The following SOX5 variants were observed in gnomAD, a reference collection of about 807,000 sequenced individuals.
SOX5 encodes SRY-box transcription factor 5.
Under a neutral mutation model 92.0 loss-of-function variants are expected in SOX5, and 9 were observed. The ratio of observed to expected loss-of-function variants is 0.10; its 90% confidence interval spans 0.06 to 0.17. The LOEUF (loss-of-function observed/expected upper bound fraction) is 0.17. Ranked by LOEUF, SOX5 falls within the 10% of genes least tolerant of loss-of-function variation. The pLI, the probability that SOX5 is intolerant of heterozygous loss-of-function variation, is 1.00. For missense variants in SOX5, 642 were observed against 944.5 expected (o/e 0.68, Z 4.20); for synonymous variants, 344 against 336.3 (o/e 1.02, Z -0.25).
intron 3 of SOX5, among the ~76,000 whole-genome samples, chr12:23,826,602 G>A (rs886582060): frequency 3.9e-5 from 6 of 152,100 alleles, no homozygotes; most frequent in Middle Eastern, 3.4e-3. Flanking sequence ...CAATATGGCA[G>A]CCTCCCCGTT....
intron 11 of SOX5, among the ~76,000 whole-genome samples, chr12:23,560,397 A>G (rs1259185291): frequency 2.6e-5 from 4 of 152,260 alleles, no homozygotes; most frequent in African/African-American, 9.6e-5. Flanking sequence ...GAGTGATTAT[A>G]AAACTCTAAT....
At chr12:24,187,676 C>T (rs1594072837) in intron 4 of SOX5, among the ~76,000 whole-genome samples, 1 of 152,180 alleles carries the variant, frequency 6.6e-6, no homozygotes, top group Admixed American at 6.5e-5. Flanking sequence ...TCACCCCTTC[C>T]TAACATGTTC....
intron 6 of SOX5, among the ~76,000 whole-genome samples, chr12:23,714,552 C>T (rs1344037635): frequency 6.6e-6 from 1 of 151,968 alleles, no homozygotes; most frequent in African/African-American, 2.4e-5. Context: ...ACCCGGGAGG[C>T]GGAGGTTGCG....
At chr12:23,534,616 A>C (rs1447565772) in intron 14 of SOX5, 94 bp from the exon 15 acceptor site, 2 of 946,380 alleles carry the variant, frequency 2.1e-6, no homozygotes, top group African/African-American at 1.7e-5. Flanking sequence ...GCAATGTCCA[A>C]TTCTAAGGTA....
chr12:23,896,028 G>C lies in SOX5; in HGVS notation c.39-4C>G, dbSNP rs368265857. On this transcript the variant is annotated splice_region_variant and splice_polypyrimidine_tract_variant and intron_variant, in intron 1 of 14. Transcript: ENST00000451604. ...GGCTGGTCGCTTGGAAGACATCCTG[G>C]AAGGAACAAAAGAGGAGAAAATAAT... is the stretch of plus-strand genomic sequence containing the variant. 6.9e-5 allele frequency: 110 copies of C among 1,595,892 alleles called. No individual in the cohort carries two copies. The highest frequency in any genetic ancestry group is 9.1e-5 in the Non-Finnish European group (106 of 1,163,812).
chr12:23,817,628 T>G (rs1246980695), intron 3 of SOX5, among the ~76,000 whole-genome samples: 1 of 152,244 alleles, frequency 6.6e-6, no homozygotes, highest in Non-Finnish European at 1.5e-5. Flanking sequence ...CCAGTCATAA[T>G]AACCATATGA....
chr12:23,747,619 G>GCCC (rs2094032550), intron 4 of SOX5, among the ~76,000 whole-genome samples: 1 of 151,994 alleles, frequency 6.6e-6, no homozygotes, highest in Non-Finnish European at 1.5e-5. Context: ...TTTACCCTCA[G>GCCC]AAGACTCTTC....
intron 4 of SOX5, among the ~76,000 whole-genome samples, chr12:24,030,608 G>A (rs1037910459): frequency 2.0e-5 from 3 of 151,850 alleles, no homozygotes; most frequent in Non-Finnish European, 4.4e-5. Flanking sequence ...AAAACACACA[G>A]GAAAAGCTCC....
chr12:23,993,604 T>C (rs1476681067), intron 4 of SOX5, among the ~76,000 whole-genome samples: 1 of 152,182 alleles, frequency 6.6e-6, no homozygotes, highest in Admixed American at 6.5e-5. Flanking sequence ...TCCTCCATTG[T>C]GCCAAAGTCA....
intron 1 of SOX5, among the ~76,000 whole-genome samples, chr12:24,561,514 C>T (rs1954337383): frequency 6.6e-6 from 1 of 152,180 alleles, no homozygotes; most frequent in African/African-American, 2.4e-5. Flanking sequence ...ACTCGTATAA[C>T]CTCTTTTCAT....
intron 8 of SOX5, among the ~76,000 whole-genome samples, chr12:23,606,818 T>C (rs936467474): frequency 1.3e-5 from 2 of 152,100 alleles, no homozygotes; most frequent in Non-Finnish European, 2.9e-5. Flanking sequence ...AATTAAGGTG[T>C]ATCTGAGTTA....
In SOX5 at chr12:24,252,090, T is replaced by C. The variant is rs561063555; in HGVS notation, c.-77+25126A>G. Among the ~76,000 whole-genome samples the C allele has an allele frequency of 2.6e-5, 4 of 152,244 alleles. No individual in the cohort carries two copies. In the East Asian group the frequency reaches 5.8e-4, roughly 22 times the overall value. On this transcript the variant is annotated intron_variant, in intron 3 of 4. Transcript: ENST00000446891. ...TTACCAAATGAACAAATCTCAACAG[T>C]GAAGAAATGGTGGGAAAAGAAAGAC...
chr12:23,863,974 A>C (rs1247120674), intron 2 of SOX5, among the ~76,000 whole-genome samples: 2 of 148,932 alleles, frequency 1.3e-5, no homozygotes, highest in South Asian at 2.2e-4. Context: ...TGCTCCACAA[A>C]TATAGCTTTT....
At chr12:23,733,535 G>A (rs2093471735) in intron 6 of SOX5, among the ~76,000 whole-genome samples, 1 of 152,104 alleles carries the variant, frequency 6.6e-6, no homozygotes, top group African/African-American at 2.4e-5. Flanking sequence ...AACTTCCACT[G>A]TCTCACTGAA....
rs1938666328 is a variant in SOX5, at chr12:23,530,176, A to T, written c.*4043T>A. On this transcript the variant is annotated 3_prime_UTR_variant, in exon 15 of 15. Transcript: ENST00000451604. ...TTTCCTTGCAGACCCCGTAAGTTTT[A>T]TTTTATTATTAATTTGATAGACAAA... 1 of 152,146 alleles carries T rather than the reference A, an allele frequency of 6.6e-6. No homozygotes were observed. The highest frequency in any genetic ancestry group is 1.9e-4 in the East Asian group (1 of 5,200). 9.4% of individuals were successfully genotyped at this position (152,146 alleles called of 1,614,324 possible).
At chr12:24,019,040 C>G (rs1181717812) in intron 4 of SOX5, among the ~76,000 whole-genome samples, 1 of 152,192 alleles carries the variant, frequency 6.6e-6, no homozygotes, top group African/African-American at 2.4e-5. Flanking sequence ...GTGGCACCAT[C>G]ATGGCTCACT....
At chr12:23,875,293 A>AC (rs398018852) in intron 2 of SOX5, among the ~76,000 whole-genome samples, 5 of 151,930 alleles carry the variant, frequency 3.3e-5, no homozygotes, top group Non-Finnish European at 7.4e-5. Flanking sequence ...TGCTAAAAAA[A>AC]TTCAAAGATT....
chr12:23,817,003 C>A (rs1302599040), intron 3 of SOX5, among the ~76,000 whole-genome samples: 1 of 152,160 alleles, frequency 6.6e-6, no homozygotes, highest in Non-Finnish European at 1.5e-5. Context: ...TAAGAGCCAG[C>A]ATGACATCTG....
chr12:24,074,906 G>GTT (rs142927585), intron 4 of SOX5, among the ~76,000 whole-genome samples: 22 of 146,620 alleles, frequency 1.5e-4, no homozygotes, highest in Non-Finnish European at 2.6e-4. Flanking sequence ...GTTTTATTTT[G>GTT]TTTTTTTTTT....
Sources: allele counts gnomAD v4.1 joint callset (sites outside exome capture counted in the v4.1 genomes callset), GRCh38; gene constraint gnomAD v4.1.1; transcripts MANE v1.5; gene names NCBI Gene and HGNC (gene_info 2026-07-23, HGNC 2026-07-21).